Variants in TASP1 observed in about 807,000 individuals in gnomAD.
The protein encoded by TASP1 is taspase 1.
A neutral mutation model predicts 56.6 loss-of-function variants in TASP1; 16 were observed. The observed-to-expected ratio is 0.28, with a 90% CI of 0.19 to 0.43. The LOEUF (loss-of-function observed/expected upper bound fraction) is 0.43, where lower values mean the gene tolerates loss of function less well. Ranked by LOEUF, TASP1 falls within the 20% of genes least tolerant of loss-of-function variation. The pLI, the probability that TASP1 is intolerant of heterozygous loss-of-function variation, is 1.00. For missense variants in TASP1, 393 were observed against 511.6 expected (o/e 0.77, Z 2.24); for synonymous variants, 179 against 184.2 (o/e 0.97, Z 0.23).
chr20:13,557,283 A>C (rs2046189306), intron 8 of TASP1, among the ~76,000 whole-genome samples: 1 of 152,206 alleles, frequency 6.6e-6, no homozygotes, highest in Non-Finnish European at 1.5e-5. Flanking sequence ...AATAAAAAAG[A>C]ATAAATCGGT....
rs1250450511 is a variant in TASP1, at chr20:13,472,329, T to G, written c.985+10898A>C. On this transcript the variant is annotated intron_variant, in intron 11 of 13. Coordinates refer to ENST00000337743, the MANE Select transcript of TASP1 (RefSeq NM_017714.3). ...CCCTCTTTACACCTTATACAAAAAT[T>G]AATTTGAGATGGATTAAAGACTTAA... is the stretch of plus-strand genomic sequence containing the variant. Among the ~76,000 whole-genome samples the G allele has an allele frequency of 1.3e-5, 2 of 150,898 alleles. 1 individual carries two copies. The highest frequency in any genetic ancestry group is 2.9e-5 in the Non-Finnish European group (2 of 67,808).
At chr20:13,145,584 T>C in the TASP1 span, among the ~76,000 whole-genome samples, 1 of 152,188 alleles carries the variant, frequency 6.6e-6, no homozygotes, top group Non-Finnish European at 1.5e-5. Flanking sequence ...ACAGATTCAG[T>C]TCTATGCCCA....
chr20:13,383,113 G>A, the TASP1 span, among the ~76,000 whole-genome samples: 6 of 152,132 alleles, frequency 3.9e-5, no homozygotes, highest in South Asian at 2.1e-4. Context: ...GTATGGGGTC[G>A]GAGAACAAGA....
Position 13,625,236 on chromosome 20 carries a change from A to C in TASP1, c.162T>G (p.Ser54=), listed in dbSNP as rs780947501. The change falls in exon 3 of 14, where the codon TCT becomes TCG. Residue 54 remains serine (S), a synonymous_variant. Coordinates refer to ENST00000337743, the MANE Select transcript of TASP1 (RefSeq NM_017714.3). ...VLVHAGAGYH[S]ESKAKEYKHV... The stretch of plus-strand genomic sequence containing the variant: ...GTTTATACTCCTTGGCTTTGGATTC[A>C]GAATGATAACCTGCACCTAAAGTAG... 6.2e-7 allele frequency: 1 copy of C among 1,610,534 alleles called. No homozygotes were observed. The highest frequency in any genetic ancestry group is 1.3e-5 in the African/African-American group (1 of 74,774).
the TASP1 span, among the ~76,000 whole-genome samples, chr20:13,129,165 C>A: frequency 6.6e-6 from 1 of 152,118 alleles, no homozygotes; most frequent in Non-Finnish European, 1.5e-5. Flanking sequence ...CCACACCTGG[C>A]CAATTTTTGT....
the TASP1 span, among the ~76,000 whole-genome samples, chr20:13,209,526 C>A: frequency 6.6e-6 from 1 of 152,074 alleles, no homozygotes; most frequent in Non-Finnish European, 1.5e-5. Context: ...AAAGACCTTC[C>A]ATTATATTGA....
chr20:13,202,673 G>A, the TASP1 span, among the ~76,000 whole-genome samples: 58 of 152,242 alleles, frequency 3.8e-4, no homozygotes, highest in Non-Finnish European at 5.7e-4. Flanking sequence ...TAGGTTGAGA[G>A]CAAGGCTGGC....
chr20:13,558,925 T>C, intron 8 of TASP1, 83 bp downstream of exon 8: 3 of 798,100 alleles, frequency 3.8e-6, no homozygotes, highest in South Asian at 5.9e-5. Flanking sequence ...TTCTACTGAA[T>C]TGTATCGTCC....
chr20:13,165,119 C>T, the TASP1 span: 22 of 430,028 alleles, frequency 5.1e-5, no homozygotes, highest in South Asian at 7.4e-4. Context: ...CACACACACA[C>T]ACTTCTGAGA....
chr20:13,497,204 T>C (rs1212231053), intron 10 of TASP1, among the ~76,000 whole-genome samples: 2 of 152,196 alleles, frequency 1.3e-5, no homozygotes, highest in African/African-American at 4.8e-5. Flanking sequence ...AGCAGCAGCA[T>C]TTTGAAGTCT....
chr20:13,125,784 G>GACCCAGAACC, the TASP1 span, among the ~76,000 whole-genome samples: 2 of 152,284 alleles, frequency 1.3e-5, no homozygotes, highest in South Asian at 2.1e-4. Flanking sequence ...TTGAGGCATA[G>GACCCAGAACC]ACCCAGAACC....
At chr20:13,467,546 G>A (rs1008179721) in intron 11 of TASP1, among the ~76,000 whole-genome samples, 2 of 151,984 alleles carry the variant, frequency 1.3e-5, no homozygotes, top group Non-Finnish European at 2.9e-5. Flanking sequence ...ACTTTGGTTG[G>A]ATTCTTTAAA....
chr20:13,152,555 C>T, the TASP1 span, among the ~76,000 whole-genome samples: 2 of 152,184 alleles, frequency 1.3e-5, no homozygotes, highest in African/African-American at 4.8e-5. Context: ...AAGCAGGCTT[C>T]CTCCAGGTTA....
chr20:13,495,185 A>G (rs1163574687), intron 10 of TASP1, among the ~76,000 whole-genome samples: 1 of 152,152 alleles, frequency 6.6e-6, no homozygotes, highest in East Asian at 1.9e-4. Flanking sequence ...TTTAGAAGTA[A>G]TTTATTGGGG....
chr20:13,186,351 T>A, the TASP1 span, among the ~76,000 whole-genome samples: 1 of 152,176 alleles, frequency 6.6e-6, no homozygotes, highest in African/African-American at 2.4e-5. Flanking sequence ...AAGGGATATT[T>A]CTCTTACGTT....
the TASP1 span, among the ~76,000 whole-genome samples, chr20:13,378,060 G>A: frequency 5.0e-4 from 75 of 151,472 alleles, no homozygotes; most frequent in Non-Finnish European, 8.0e-4. Context: ...AGGATTTTTC[G>A]TGTCTCTATC....
At chr20:13,133,477 TA>T in the TASP1 span, among the ~76,000 whole-genome samples, 2 of 152,240 alleles carry the variant, frequency 1.3e-5, no homozygotes, top group Non-Finnish European at 2.9e-5. Context: ...CTCACACCTG[TA>T]ATCCCAGCAC....
intron 12 of TASP1, among the ~76,000 whole-genome samples, chr20:13,422,982 A>C (rs2042496010): frequency 6.6e-6 from 1 of 152,190 alleles, no homozygotes; most frequent in Non-Finnish European, 1.5e-5. Context: ...ATTTATCAAA[A>C]TTACACACTC....
chr20:13,535,782 T>C (rs907160223), intron 8 of TASP1, among the ~76,000 whole-genome samples: 11 of 152,164 alleles, frequency 7.2e-5, no homozygotes, highest in African/African-American at 2.2e-4. Context: ...GCCATCCCAA[T>C]GTCAGGGCCA....
Sources: gnomAD v4.1 joint callset for allele counts (sites outside exome capture counted in the v4.1 genomes callset) on GRCh38, gnomAD v4.1.1 for gene constraint, MANE v1.5 for transcripts, NCBI Gene and HGNC (gene_info 2026-07-23, HGNC 2026-07-21) for gene names.